CFAP299: variants seen among roughly 807,000 people sequenced by gnomAD.
CFAP299 encodes the protein cilia- and flagella-associated protein 299.
In CFAP299, 21 loss-of-function variants were observed where a neutral mutation model predicts 27.0. The observed-to-expected ratio is 0.78, with a 90% CI of 0.55 to 1.12. CFAP299 has a LOEUF of 1.12. Ranked by LOEUF, CFAP299 falls within the 50% of genes most tolerant of loss-of-function variation. CFAP299 has a pLI of 0.00. For synonymous variants in CFAP299, 104 were observed against 98.1 expected (o/e 1.06, Z -0.36); for missense variants, 310 against 276.6 (o/e 1.12, Z -0.86).
At chr4:80,850,650 C>T (rs975861657) in intron 3 of CFAP299, among the ~76,000 whole-genome samples, 1 of 151,898 alleles carries the variant, frequency 6.6e-6, no homozygotes, top group Admixed American at 6.6e-5. Flanking sequence ...ATGAGCAATT[C>T]GCAATAGTAA....
Position 80,337,030 on chromosome 4 carries a change from G to C in CFAP299, c.111+1151G>C, listed in dbSNP as rs76629297. 7.9e-3 allele frequency among the ~76,000 whole-genome samples: 1,205 copies of C among 152,132 alleles called. 17 individuals carry two copies. The highest frequency in any genetic ancestry group is 0.028 in the African/African-American group (1,145 of 41,478). On this transcript the variant is annotated intron_variant, in intron 1 of 5. Coordinates refer to ENST00000358105, the MANE Select transcript of CFAP299 (RefSeq NM_152770.3). Reference sequence around the variant, plus strand: ...GTACATTTAAAAAATAAATGTAGGTGGTATTTCCAATATAGCTCCTGGCTT... The same window carrying C: ...GTACATTTAAAAAATAAATGTAGGTCGTATTTCCAATATAGCTCCTGGCTT...
At chr4:80,439,407 G>A (rs1728239690) in intron 2 of CFAP299, among the ~76,000 whole-genome samples, 1 of 152,206 alleles carries the variant, frequency 6.6e-6, no homozygotes, top group Non-Finnish European at 1.5e-5. Context: ...GCTTGCAGAA[G>A]CAGGGTAGGG....
At chr4:80,805,229 T>C (rs1168967743) in intron 3 of CFAP299, among the ~76,000 whole-genome samples, 1 of 152,078 alleles carries the variant, frequency 6.6e-6, no homozygotes, top group East Asian at 1.9e-4. Context: ...ATGAAATCTA[T>C]TATAAATAAT....
intron 2 of CFAP299, chr4:80,387,647 G>C (rs1283297305): frequency 6.5e-7 from 1 of 1,527,036 alleles, no homozygotes; most frequent in African/African-American, 1.4e-5. Flanking sequence ...CATACCTTGT[G>C]GGTCTGCATG....
chr4:80,952,613 ATTCT>A lies in CFAP299; in HGVS notation c.606+7681_606+7684del, dbSNP rs374081090. ...CAGGTGCTAAAAACAAATATGTCAA[ATTCT>A]TTCTTTTTCTCTGAGCAAAAGACTA... On this transcript the variant is annotated intron_variant, in intron 5 of 5. Transcript: ENST00000358105. Among the ~76,000 whole-genome samples the A allele has an allele frequency of 6.6e-5, 10 of 152,286 alleles. 1 individual carries two copies. Among genetic ancestry groups the A allele is most frequent in the African/African-American group, 2.2e-4 (9 of 41,566 alleles).
At chr4:80,474,870 G>A (rs1730196005) in intron 2 of CFAP299, among the ~76,000 whole-genome samples, 1 of 152,110 alleles carries the variant, frequency 6.6e-6, no homozygotes, top group African/African-American at 2.4e-5. Flanking sequence ...AACAAGTAAT[G>A]AGATCAATTC....
At chr4:80,798,208 T>C (rs1727981938) in intron 3 of CFAP299, among the ~76,000 whole-genome samples, 1 of 151,914 alleles carries the variant, frequency 6.6e-6, no homozygotes, top group African/African-American at 2.4e-5. Flanking sequence ...AACAGGGGTG[T>C]TGGGGGTGGC....
At chr4:80,925,134 C>CA (rs1736242625) in intron 4 of CFAP299, among the ~76,000 whole-genome samples, 2 of 151,874 alleles carry the variant, frequency 1.3e-5, no homozygotes, top group Admixed American at 6.6e-5. Context: ...CTTAAGCTTA[C>CA]TATGTCCCTC....
intron 2 of CFAP299, chr4:80,388,690 C>T: frequency 1.1e-6 from 1 of 912,990 alleles, no homozygotes. Flanking sequence ...CCATTCCCTC[C>T]AGGGCCTTAA....
At chr4:80,740,431 C>A (rs1327713796) in intron 3 of CFAP299, among the ~76,000 whole-genome samples, 1 of 152,156 alleles carries the variant, frequency 6.6e-6, no homozygotes, top group Non-Finnish European at 1.5e-5. Context: ...GATTACCAGG[C>A]AGAGACTCTT....
At chr4:80,823,300 G>A (rs1729806719) in intron 3 of CFAP299, among the ~76,000 whole-genome samples, 2 of 152,046 alleles carry the variant, frequency 1.3e-5, no homozygotes, top group Admixed American at 6.6e-5. Context: ...TGCTCCAACA[G>A]ACAACTAAAA....
chr4:80,555,571 A>G (rs1483255098), intron 2 of CFAP299, among the ~76,000 whole-genome samples: 2 of 152,052 alleles, frequency 1.3e-5, no homozygotes, highest in Non-Finnish European at 2.9e-5. Context: ...CAGTAGGGAT[A>G]ATACCAGAAC....
At chr4:80,611,143 G>T (rs1737953830) in intron 3 of CFAP299, among the ~76,000 whole-genome samples, 1 of 152,012 alleles carries the variant, frequency 6.6e-6, no homozygotes. Flanking sequence ...GGCCTTTCAA[G>T]TAGGGGTGAA....
At chr4:80,329,208 C>CACACACATATATATATATATATAT in the CFAP299 span, among the ~76,000 whole-genome samples, 7 of 136,046 alleles carry the variant, frequency 5.1e-5, no homozygotes, top group South Asian at 9.8e-4. Context: ...ACACTGTATA[C>CACACACATATATATATATATATAT]ATATATATAT....
At chr4:80,906,203 T>G (rs1735177641) in intron 4 of CFAP299, among the ~76,000 whole-genome samples, 1 of 152,156 alleles carries the variant, frequency 6.6e-6, no homozygotes, top group Admixed American at 6.5e-5. Flanking sequence ...AATAGGGCAG[T>G]CATTAAAATT....
chr4:80,762,808 G>A (rs1319417810), intron 3 of CFAP299, among the ~76,000 whole-genome samples: 2 of 152,082 alleles, frequency 1.3e-5, no homozygotes, highest in Admixed American at 6.6e-5. Flanking sequence ...ATCCAATGAT[G>A]GACACAGGGG....
intron 2 of CFAP299, among the ~76,000 whole-genome samples, chr4:80,477,994 T>C (rs1730364219): frequency 6.6e-6 from 1 of 152,160 alleles, no homozygotes; most frequent in African/African-American, 2.4e-5. Context: ...GATTCTGCAA[T>C]CCTATTTCAT....
Position 80,799,956 on chromosome 4 carries a change from TA to T in CFAP299, c.334-70034del, listed in dbSNP as rs1346928181. On this transcript the variant is annotated intron_variant, in intron 3 of 5. Transcript: ENST00000358105. Reference sequence around the variant, plus strand: ...TATATTATATTATATAAATATTATATAAATATAATATTTATATAATATAATA... The same window carrying T: ...TATATTATATTATATAAATATTATATAATATAATATTTATATAATATAATA... Among the ~76,000 whole-genome samples, 44 of 55,360 alleles carry T rather than the reference TA, an allele frequency of 7.9e-4. 1 individual carries two copies. The highest frequency in any genetic ancestry group is 3.0e-3 in the African/African-American group (40 of 13,250). The allele number at this position is 55,360 out of a possible 152,430, so 36.3% of individuals were successfully genotyped here.
At chr4:80,843,002 G>T (rs900862217) in intron 3 of CFAP299, among the ~76,000 whole-genome samples, 5 of 151,598 alleles carry the variant, frequency 3.3e-5, no homozygotes, top group Admixed American at 6.6e-5. Flanking sequence ...AATCATGAAG[G>T]GTTGGGGCAA....
Sources: allele counts gnomAD v4.1 joint callset (sites outside exome capture counted in the v4.1 genomes callset), GRCh38; gene constraint gnomAD v4.1.1; transcripts MANE v1.5; gene names NCBI Gene and HGNC (gene_info 2026-07-23, HGNC 2026-07-21).